GRIN2B: variants seen among roughly 807,000 people sequenced by gnomAD.
GRIN2B encodes glutamate ionotropic receptor NMDA type subunit 2B.
Under a neutral mutation model 114.5 loss-of-function variants are expected in GRIN2B, and 5 were observed. The observed-to-expected ratio is 0.04, with a 90% CI of 0.02 to 0.09. The LOEUF (loss-of-function observed/expected upper bound fraction) is 0.09. Among genes scored for constraint, GRIN2B ranks in the 10% least tolerant of loss-of-function variants. GRIN2B has a pLI of 1.00. For missense variants in GRIN2B, 1,108 were observed against 1,943.5 expected (o/e 0.57, Z 8.08); for synonymous variants, 787 against 745.1 (o/e 1.06, Z -0.92).
At chr12:13,611,182 C>T (rs1949361570) in intron 9 of GRIN2B, among the ~76,000 whole-genome samples, 2 of 152,112 alleles carry the variant, frequency 1.3e-5, no homozygotes, top group South Asian at 4.1e-4. Context: ...TGGTCTTTCC[C>T]ATTCATTTTA....
chr12:13,831,655 G>A (rs563096325), intron 3 of GRIN2B, among the ~76,000 whole-genome samples: 10 of 152,322 alleles, frequency 6.6e-5, no homozygotes, highest in African/African-American at 2.4e-4. Context: ...TCATGTGGGG[G>A]AGCCCGGTAA....
intron 9 of GRIN2B, among the ~76,000 whole-genome samples, chr12:13,611,457 A>G (rs991726365): frequency 1.3e-5 from 2 of 152,214 alleles, no homozygotes; most frequent in African/African-American, 4.8e-5. Flanking sequence ...TGCTATACCC[A>G]TATCTACCAA....
intron 4 of GRIN2B, among the ~76,000 whole-genome samples, chr12:13,728,395 C>T (rs1320001616): frequency 6.6e-6 from 1 of 152,022 alleles, no homozygotes; most frequent in African/African-American, 2.4e-5. Context: ...ATTTCATCAT[C>T]CAGCCACCAA....
At chr12:13,605,992 C>A (rs1033360278) in intron 10 of GRIN2B, among the ~76,000 whole-genome samples, 1 of 152,168 alleles carries the variant, frequency 6.6e-6, no homozygotes, top group Non-Finnish European at 1.5e-5. Context: ...ATACACTACA[C>A]CCCTGCCATG....
At chr12:13,854,461 G>A (rs1315863860) in intron 3 of GRIN2B, among the ~76,000 whole-genome samples, 2 of 152,192 alleles carry the variant, frequency 1.3e-5, no homozygotes, top group Non-Finnish European at 2.9e-5. Flanking sequence ...AGTGAGCCGA[G>A]ATAGTGCCAT....
chr12:13,556,253 A>G lies in GRIN2B; in HGVS notation c.*6530T>C, dbSNP rs1948478140. 6.6e-6 allele frequency: 1 copy of G among 152,188 alleles called. No homozygotes were observed. Among genetic ancestry groups the G allele is most frequent in the African/African-American group, 2.4e-5 (1 of 41,450 alleles). 9.4% of individuals were successfully genotyped at this position (152,188 alleles called of 1,614,324 possible). A position where few individuals can be genotyped will look rare whatever the true frequency, so the allele number is the denominator to read the frequency against. On this transcript the variant is annotated 3_prime_UTR_variant, in exon 14 of 14. Transcript: ENST00000609686. ...TGTTTTTTCAAATAGCATAATGGAT[A>G]TCTTTGACTCCTACCCTGAAACCAG...
chr12:13,615,669 C>T lies in GRIN2B; in HGVS notation c.1329-5G>A, dbSNP rs776703539. The T allele has an allele frequency of 6.2e-7, 1 of 1,611,750 alleles. No individual in the cohort carries two copies. The highest frequency in any genetic ancestry group is 8.5e-7 in the Non-Finnish European group (1 of 1,177,994). ...GGCTCCTCGTCTGTTTTATTCCTAG[C>T]CAATTAAAGAAACAAAAACAAACAA... On this transcript the variant is annotated splice_polypyrimidine_tract_variant and splice_region_variant and intron_variant, in intron 6 of 13. Coordinates refer to ENST00000609686, the MANE Select transcript of GRIN2B (RefSeq NM_000834.5). The surrounding 1 kb of genome is among the most constrained non-coding windows in gnomAD (Gnocchi z 5.8).
At chr12:13,730,565 G>A (rs1863071466) in intron 4 of GRIN2B, among the ~76,000 whole-genome samples, 1 of 152,178 alleles carries the variant, frequency 6.6e-6, no homozygotes, top group Non-Finnish European at 1.5e-5. Context: ...ATACGGGCCA[G>A]GATGTTGAGA....
chr12:13,673,239 C>A (rs1037364889), intron 5 of GRIN2B, among the ~76,000 whole-genome samples: 6 of 152,082 alleles, frequency 3.9e-5, no homozygotes, highest in Non-Finnish European at 8.8e-5. Context: ...ATAATTCATT[C>A]TAGGAAGACA....
At chr12:13,625,517 G>A (rs1261912478) in intron 5 of GRIN2B, among the ~76,000 whole-genome samples, 1 of 152,182 alleles carries the variant, frequency 6.6e-6, no homozygotes, top group Non-Finnish European at 1.5e-5. Context: ...TTTTCTGCAA[G>A]TATTTGCTAT....
intron 2 of GRIN2B, among the ~76,000 whole-genome samples, chr12:13,914,618 C>G (rs1591618689): frequency 6.6e-6 from 1 of 152,176 alleles, no homozygotes; most frequent in Admixed American, 6.5e-5. Flanking sequence ...GATGTCTGCA[C>G]TCCTGTAGTC....
chr12:13,938,915 A>C (rs1173270643), intron 2 of GRIN2B, among the ~76,000 whole-genome samples: 2 of 152,218 alleles, frequency 1.3e-5, no homozygotes, highest in African/African-American at 4.8e-5. Context: ...TAATTTCTTA[A>C]AAAATAAAGA....
intron 4 of GRIN2B, among the ~76,000 whole-genome samples, chr12:13,701,171 C>T (rs1950309278): frequency 6.6e-6 from 1 of 152,136 alleles, no homozygotes; most frequent in Admixed American, 6.5e-5. Context: ...GAGGGAACCA[C>T]CCCAGTGATT....
chr12:13,603,947 G>C (rs1055655542), intron 10 of GRIN2B, among the ~76,000 whole-genome samples: 1 of 152,064 alleles, frequency 6.6e-6, no homozygotes, highest in African/African-American at 2.4e-5. Flanking sequence ...TCATACCTGT[G>C]TGAAGACTAT....
At chr12:13,891,131 G>A (rs1866255074) in intron 2 of GRIN2B, among the ~76,000 whole-genome samples, 1 of 152,120 alleles carries the variant, frequency 6.6e-6, no homozygotes, top group Non-Finnish European at 1.5e-5. Context: ...TACTGGATTG[G>A]AACACAATTG....
chr12:13,867,617 A>T (rs754856454), intron 2 of GRIN2B, among the ~76,000 whole-genome samples: 2 of 152,204 alleles, frequency 1.3e-5, no homozygotes, highest in Admixed American at 1.3e-4. Flanking sequence ...ACATTTCCTC[A>T]TATATAATCT....
At chr12:13,953,498 T>C (rs1460663653) in intron 2 of GRIN2B, among the ~76,000 whole-genome samples, 1 of 152,204 alleles carries the variant, frequency 6.6e-6, no homozygotes, top group Non-Finnish European at 1.5e-5. Flanking sequence ...TGCTCTTTAT[T>C]GCAGAGAGCA....
rs1480613994 is a variant in GRIN2B at position 13,550,993 on chromosome 12, CA to C, written c.*11789del. On this transcript the variant is annotated 3_prime_UTR_variant, in exon 14 of 14. Transcript: ENST00000609686. The stretch of plus-strand genomic sequence containing the variant: ...AAGTGCCCTCATTGACTTCTAAATG[CA>C]TTTATATCAAAGAAAGGGTGATTTT... The C allele has an allele frequency of 1.3e-5, 2 of 152,098 alleles. No homozygotes were observed. The highest frequency in any genetic ancestry group is 2.9e-5 in the Non-Finnish European group (2 of 68,024). The allele number at this position is 152,098 out of a possible 1,614,324, so 9.4% of individuals were successfully genotyped here.
intron 10 of GRIN2B, among the ~76,000 whole-genome samples, chr12:13,582,082 A>G (rs1289230271): frequency 2.0e-5 from 3 of 152,228 alleles, no homozygotes; most frequent in Admixed American, 2.0e-4. Flanking sequence ...AGGAGAAATA[A>G]GGTATAGCAT....
Sources: gnomAD v4.1 joint callset for allele counts (sites outside exome capture counted in the v4.1 genomes callset) on GRCh38, gnomAD v4.1.1 for gene constraint, Gnocchi (gnomAD v3.1) non-coding constraint, MANE v1.5 for transcripts, NCBI Gene and HGNC (gene_info 2026-07-23, HGNC 2026-07-21) for gene names.